The following NASP variants were observed in gnomAD, a reference collection of about 807,000 sequenced individuals.
The protein encoded by NASP is nuclear autoantigenic sperm protein.
A neutral mutation model predicts 89.5 loss-of-function variants in NASP; 24 were observed. The observed-to-expected ratio is 0.27, with a 90% CI of 0.19 to 0.38. The LOEUF is 0.38. Among genes scored for constraint, NASP ranks in the 10% least tolerant of loss-of-function variants. NASP has a pLI of 1.00. For missense variants in NASP, 848 were observed against 921.4 expected (o/e 0.92, Z 1.03); for synonymous variants, 306 against 324.7 (o/e 0.94, Z 0.62).
At position 45,596,212 on chromosome 1, in the gene NASP, A is replaced by G. The variant is rs935098537; in HGVS notation, c.107+4942A>G. ...GTATCCTAATACTTTGACTGTTCTG[A>G]TGAAATTGATTTTTAAGTTGTGGTA... is the stretch of plus-strand genomic sequence containing the variant. On this transcript the variant is annotated intron_variant, in intron 2 of 14. Transcript: ENST00000350030. Among the ~76,000 whole-genome samples, 3 of 152,200 alleles carry G rather than the reference A, an allele frequency of 2.0e-5. No homozygotes were observed. In the East Asian group the frequency reaches 5.8e-4, roughly 29 times the overall value.
rs140613149 is a variant in NASP at position 45,617,487 on chromosome 1, C to T, written c.2182C>T (p.Arg728Trp). 17 of 1,613,114 alleles carry T rather than the reference C, an allele frequency of 1.1e-5. No individual in the cohort carries two copies. The highest frequency in any genetic ancestry group is 6.6e-5 in the South Asian group (6 of 91,030). The change falls in exon 14 of 15, where the codon CGG (arginine) becomes TGG (tryptophan). Residue 728 changes from arginine to tryptophan, a missense_variant. By Grantham distance (101) the Arg-to-Trp change is moderately radical (BLOSUM62 -3). This residue lies in a region of NASP where 218 missense variants were observed against 219.6 expected (regional missense o/e 0.99). Coordinates refer to ENST00000350030, the MANE Select transcript of NASP (RefSeq NM_002482.4). ...KKRKPEEESPRKDDAKKAKQE... is the reference protein window; with the variant it reads ...KKRKPEEESPWKDDAKKAKQE... ...GAGGAAACCAGAGGAAGAGAGTCCC[C>T]GGAAAGATGATGCAAAGAAAGCCAA... is the stretch of plus-strand genomic sequence containing the variant.
intron 1 of NASP, among the ~76,000 whole-genome samples, chr1:45,590,087 A>AG (rs1462264671): frequency 6.6e-6 from 1 of 152,126 alleles, no homozygotes; most frequent in East Asian, 1.9e-4. Context: ...CAGAAACTGT[A>AG]GGGGGTGGAG....
At chr1:45,604,301 C>T (rs950757262) in intron 3 of NASP, among the ~76,000 whole-genome samples, 1 of 152,186 alleles carries the variant, frequency 6.6e-6, no homozygotes, top group African/African-American at 2.4e-5. Context: ...TGTCCTTCTT[C>T]CTTCTGTCTA....
chr1:45,604,882 A>G (rs1643889306), intron 3 of NASP, 54 bp from the exon 4 acceptor site: 20 of 1,323,664 alleles, frequency 1.5e-5, no homozygotes, highest in South Asian at 2.5e-5. Context: ...AACTAGAACT[A>G]AATGTTTTAG....
chr1:45,588,865 C>T (rs528917062), intron 1 of NASP: 18 of 240,596 alleles, frequency 7.5e-5, no homozygotes, highest in African/African-American at 2.8e-4. Context: ...TGCAGTGAGC[C>T]GAGATCGAGA....
intron 1 of NASP, among the ~76,000 whole-genome samples, chr1:45,590,682 C>T (rs1190636540): frequency 1.0e-4 from 11 of 107,200 alleles, no homozygotes; most frequent in Admixed American, 2.2e-4. Context: ...CATAGTGTAA[C>T]TTTTTTTTTT....
In NASP at chr1:45,617,662, T is replaced by TC. The variant is rs1471187980; in HGVS notation, c.2286+72dup. The TC allele has an allele frequency of 1.5e-5, 23 of 1,486,536 alleles. 1 individual carries two copies. The highest frequency in any genetic ancestry group is 4.1e-5 in the South Asian group (3 of 72,588). The allele number at this position is 1,486,536 out of a possible 1,614,324, so 92.1% of individuals were successfully genotyped here. On this transcript the variant is annotated intron_variant, in intron 14 of 14. Coordinates refer to ENST00000350030, the MANE Select transcript of NASP (RefSeq NM_002482.4). ...TCAGGACCTGGGGAAATCAGTCCTC[T>TC]CAAGTGCATGCTCCCCACCTTGAGC...
In NASP at chr1:45,608,050, T is replaced by G; in HGVS notation, c.1139T>G (p.Val380Gly). ...EAPVLPKDGAVNGPSVVGDQT... is the reference protein window; with the variant it reads ...EAPVLPKDGAGNGPSVVGDQT... The stretch of plus-strand genomic sequence containing the variant: ...CCAGTTCTCCCTAAGGATGGTGCAG[T>G]CAATGGACCGTCAGTTGTAGGAGAT... Residue 380 changes from valine to glycine, a missense_variant, in exon 6 of 15, where the codon GTC becomes GGC. By Grantham distance (109) the Val-to-Gly change is moderately radical. Coordinates refer to ENST00000350030, the MANE Select transcript of NASP (RefSeq NM_002482.4). 6.2e-7 allele frequency: 1 copy of G among 1,613,930 alleles called. No individual in the cohort carries two copies. The highest frequency in any genetic ancestry group is 1.7e-5 in the Admixed American group (1 of 60,006).
chr1:45,617,387 G>T, intron 13 of NASP, 76 bp from the exon 14 acceptor site: 1 of 1,523,866 alleles, frequency 6.6e-7, no homozygotes, highest in South Asian at 1.2e-5. Flanking sequence ...CACCACAAGG[G>T]TTAAGGAAAT....
rs1233624420 is a variant in NASP, at chr1:45,607,854, G to C, written c.943G>C (p.Glu315Gln). 17 of 1,614,094 alleles carry C rather than the reference G, an allele frequency of 1.1e-5. No homozygotes were observed. Among genetic ancestry groups the C allele is most frequent in the Non-Finnish European group, 1.4e-5 (17 of 1,180,050 alleles). ...AGTGGATGTGGGTGGGGACGAGCCA[G>C]AGGAGAAGGTAGTTACCTCTGAAAA... ...KPVDVGGDEP[E>Q]EKVVTSENEA... The change falls in exon 6 of 15, where the codon GAG becomes CAG. Residue 315 changes from glutamate to glutamine, a missense_variant. This residue lies in a region of NASP where 464 missense variants were observed against 469.4 expected (regional missense o/e 0.99). Transcript: ENST00000350030.
intron 1 of NASP, among the ~76,000 whole-genome samples, chr1:45,586,337 G>T (rs1390665652): frequency 6.6e-6 from 1 of 150,486 alleles, no homozygotes; most frequent in African/African-American, 2.5e-5. Flanking sequence ...CCAGGCTGGA[G>T]TGCAGTGATG....
chr1:45,617,931 C>T, intron 14 of NASP, 130 bp from the exon 15 acceptor site: 1 of 745,554 alleles, frequency 1.3e-6, no homozygotes, highest in Non-Finnish European at 2.2e-6. Context: ...TGGTCACTGC[C>T]CTCTTAATAT....
chr1:45,589,419 C>A (rs1019265098), intron 1 of NASP, among the ~76,000 whole-genome samples: 1 of 152,072 alleles, frequency 6.6e-6, no homozygotes, highest in Non-Finnish European at 1.5e-5. Context: ...GCCACTGCAC[C>A]CAGTCTGGTT....
chr1:45,584,501 G>C (rs980195581), intron 1 of NASP, among the ~76,000 whole-genome samples: 1 of 152,184 alleles, frequency 6.6e-6, no homozygotes, highest in Non-Finnish European at 1.5e-5. Flanking sequence ...CCCCCAGCCC[G>C]GGGCGGTTGG....
chr1:45,588,713 C>T, intron 1 of NASP: 1 of 406,030 alleles, frequency 2.5e-6, no homozygotes, highest in Non-Finnish European at 4.9e-6. Flanking sequence ...CCGAGGTGGG[C>T]AGATCACGAG....
chr1:45,589,182 T>C (rs540407408), intron 1 of NASP, among the ~76,000 whole-genome samples: 48 of 152,322 alleles, frequency 3.2e-4, no homozygotes, highest in Non-Finnish European at 6.0e-4. Context: ...GGCTAGAGTA[T>C]AGTGGTATGA....
rs762505260 is a variant in NASP, at chr1:45,607,976, A to G, written c.1065A>G (p.Ser355=). ...PEVTTEAAEA[S]AVEAGSEVSE... Reference sequence around the variant, plus strand: ...TGACAACAGAGGCTGCAGAGGCCTCAGCTGTAGAGGCTGGATCAGAAGTCT... The same window carrying G: ...TGACAACAGAGGCTGCAGAGGCCTCGGCTGTAGAGGCTGGATCAGAAGTCT... The change falls in exon 6 of 15, where the codon TCA becomes TCG. Residue 355 remains serine, a synonymous_variant. Transcript: ENST00000350030. The G allele has an allele frequency of 1.2e-6, 2 of 1,614,028 alleles. No individual in the cohort carries two copies. Among genetic ancestry groups the G allele is most frequent in the Admixed American group, 3.3e-5 (2 of 60,000 alleles).
intron 7 of NASP, 70 bp from the exon 8 acceptor site, chr1:45,614,026 C>T (rs947668573): frequency 1.1e-4 from 140 of 1,268,248 alleles, no homozygotes; most frequent in Non-Finnish European, 1.4e-4. Context: ...TTTTAAGCTA[C>T]GCTAAGTTAT....
Position 45,618,780 on chromosome 1 carries a change from G to T in NASP, c.*639G>T, listed in dbSNP as rs1644154032. 1 of 152,288 alleles carries T rather than the reference G, an allele frequency of 6.6e-6. No individual in the cohort carries two copies. The allele number at this position is 152,288 out of a possible 1,614,324, so 9.4% of individuals were successfully genotyped here. ...AGATGTGGTTGGAAGCATATGTGGG[G>T]AGGCTGGCTGGTTGAGTTTTGTTAT... is the stretch of plus-strand genomic sequence containing the variant. On this transcript the variant is annotated 3_prime_UTR_variant, in exon 15 of 15. Coordinates refer to ENST00000350030, the MANE Select transcript of NASP (RefSeq NM_002482.4).
Sources: gnomAD v4.1 joint callset for allele counts (sites outside exome capture counted in the v4.1 genomes callset) on GRCh38, gnomAD v4.1.1 for gene constraint, gnomAD v4.1.1 regional missense constraint, MANE v1.5 for transcripts, NCBI Gene and HGNC (gene_info 2026-07-23, HGNC 2026-07-21) for gene names.